The following SYBU variants were observed in gnomAD, a reference collection of about 807,000 sequenced individuals.
SYBU encodes syntabulin.
In SYBU, 21 loss-of-function variants were observed where a neutral mutation model predicts 35.9. The observed-to-expected ratio is 0.58, with a 90% CI of 0.41 to 0.84. The LOEUF is 0.84. Among genes scored for constraint, SYBU ranks in the 40% least tolerant of loss-of-function variants. The pLI is 0.00. For missense variants in SYBU, 768 were observed against 848.2 expected, an observed-to-expected ratio of 0.91 and a Z score of 1.17; for synonymous variants, 319 against 324.3, an observed-to-expected ratio of 0.98 and a Z score of 0.18.
Position 109,691,279 on chromosome 8 carries a change from C to T in SYBU, c.-58+54G>A, listed in dbSNP as rs1703898283. 1.4e-6 allele frequency: 1 copy of T among 696,214 alleles called. No homozygotes were observed. Among genetic ancestry groups the T allele is most frequent in the Non-Finnish European group, 2.6e-6 (1 of 382,174 alleles). The allele number at this position is 696,214 out of a possible 1,614,324, so 43.1% of individuals were successfully genotyped here. A position where few individuals can be genotyped will look rare whatever the true frequency, so the allele number is the denominator to read the frequency against. ...ATTGTACCGAAGACCATCAGTTGCC[C>T]TCCCGTGTCCGCGGGCACTGACAGC... is the stretch of plus-strand genomic sequence containing the variant. On this transcript the variant is annotated intron_variant, in intron 1 of 7. Transcript: ENST00000422135. This position sits in a 1 kb window ranked among gnomAD's most constrained non-coding sequence, Gnocchi z 4.7.
At chr8:109,602,276 G>A (rs1441447529) in intron 3 of SYBU, among the ~76,000 whole-genome samples, 1 of 152,114 alleles carries the variant, frequency 6.6e-6, no homozygotes, top group Non-Finnish European at 1.5e-5. Context: ...AGATACGTAT[G>A]TTTGGAAAAG....
chr8:109,619,495 G>A (rs1307372269), intron 2 of SYBU, among the ~76,000 whole-genome samples: 1 of 152,132 alleles, frequency 6.6e-6, no homozygotes, highest in African/African-American at 2.4e-5. Flanking sequence ...CCAAAGTGCT[G>A]GGATTACAAT....
intron 4 of SYBU, among the ~76,000 whole-genome samples, chr8:109,583,963 C>G (rs1449193558): frequency 6.6e-6 from 1 of 151,124 alleles, no homozygotes; most frequent in Admixed American, 6.6e-5. Context: ...CACCCACCTA[C>G]ATGCCCGGCT....
intron 1 of SYBU, among the ~76,000 whole-genome samples, chr8:109,690,686 T>C (rs1175188633): frequency 2.6e-5 from 4 of 152,222 alleles, no homozygotes; most frequent in Admixed American, 2.6e-4. Flanking sequence ...CTCACAGATA[T>C]CTTTTACTGT....
chr8:109,667,139 CAG>C (rs1334186400), intron 1 of SYBU, among the ~76,000 whole-genome samples: 1 of 152,004 alleles, frequency 6.6e-6, no homozygotes, highest in Non-Finnish European at 1.5e-5. Context: ...TTTTTTGAGA[CAG>C]AGTCTGGCTC....
rs377692434 is a variant in SYBU at position 109,575,018 on chromosome 8, C to G, written c.1880G>C (p.Ser627Thr). 3.4e-5 allele frequency: 54 copies of G among 1,598,286 alleles called. No homozygotes were observed. The Admixed American group carries it at 3.9e-4, about 12-fold the overall frequency. ...PVVPTVLWAF[S>T]TQRGGTDPVY... is the part of the protein sequence containing the mutation. ...AGGATCCGTTCCCCCTCTCTGAGTA[C>G]TGAATGCCCACAGAACCGTGGGGAC... is the stretch of plus-strand genomic sequence containing the variant. The change falls in exon 7 of 7, where the codon AGT becomes ACT. Residue 627 changes from serine (S) to threonine (T), a missense_variant. Transcript: ENST00000276646.
chr8:109,576,101 G>C (rs1822284393), intron 6 of SYBU, 88 bp from the exon 7 acceptor site: 1 of 1,409,276 alleles, frequency 7.1e-7, no homozygotes, highest in Non-Finnish European at 9.3e-7. Flanking sequence ...AGTTCAGGCA[G>C]TTCTGGCACA....
intron 1 of SYBU, among the ~76,000 whole-genome samples, chr8:109,688,977 A>T (rs1347159714): frequency 6.6e-6 from 1 of 152,178 alleles, no homozygotes; most frequent in Non-Finnish European, 1.5e-5. Context: ...TCTTTTAAAT[A>T]TCAATAAAGT....
At chr8:109,652,236 G>T (rs1333552293) in intron 1 of SYBU, among the ~76,000 whole-genome samples, 9 of 152,208 alleles carry the variant, frequency 5.9e-5, no homozygotes, top group Non-Finnish European at 1.0e-4. Context: ...ATGTTCAGGG[G>T]TGAGTTTTAA....
chr8:109,691,578 G>A lies in SYBU; in HGVS notation c.-303C>T, dbSNP rs1358521953. ...GGCCCCTCGGCCTCTGCAGCCAGCCGGGCGGCTGCTGGGGCTGAGGACAAA... is the reference window on the plus strand; with the variant it reads ...GGCCCCTCGGCCTCTGCAGCCAGCCAGGCGGCTGCTGGGGCTGAGGACAAA... On this transcript the variant is annotated 5_prime_UTR_variant, in exon 1 of 8. Coordinates refer to the SYBU transcript ENST00000422135. This position sits in a 1 kb window ranked among gnomAD's most constrained non-coding sequence, Gnocchi z 4.7. 9 of 438,942 alleles carry A rather than the reference G, an allele frequency of 2.1e-5. No homozygotes were observed. The highest frequency in any genetic ancestry group is 1.9e-4 in the African/African-American group (9 of 48,054). The allele number at this position is 438,942 out of a possible 1,614,324, so 27.2% of individuals were successfully genotyped here. A position where few individuals can be genotyped will look rare whatever the true frequency, so the allele number is the denominator to read the frequency against.
chr8:109,658,515 A>G (rs1276566088), intron 1 of SYBU, among the ~76,000 whole-genome samples: 1 of 152,204 alleles, frequency 6.6e-6, no homozygotes, highest in Non-Finnish European at 1.5e-5. Flanking sequence ...ATGATGACTA[A>G]GACAAGGTAT....
intron 1 of SYBU, among the ~76,000 whole-genome samples, chr8:109,677,159 A>T (rs1305067779): frequency 6.6e-6 from 1 of 152,122 alleles, no homozygotes; most frequent in Non-Finnish European, 1.5e-5. Flanking sequence ...ACCTTTAAAG[A>T]ACTTGTGCCA....
At position 109,574,865 on chromosome 8, in the gene SYBU, C is replaced by CCACATGGGACACATTGG; in HGVS notation, c.*24_*40dup. 6.7e-7 allele frequency: 1 copy of CCACATGGGACACATTGG among 1,502,092 alleles called. No homozygotes were observed. Among genetic ancestry groups the CCACATGGGACACATTGG allele is most frequent in the Admixed American group, 2.3e-5 (1 of 43,516 alleles). The allele number at this position is 1,502,092 out of a possible 1,614,324, so 93.0% of individuals were successfully genotyped here. On this transcript the variant is annotated 3_prime_UTR_variant, in exon 7 of 7. Transcript: ENST00000276646. ...TTCCTGTTTCTCTACCTGGCACAAC[C>CCACATGGGACACATTGG]CACATGGGACACATTGGCACACGGT...
chr8:109,681,770 G>A (rs1199516740), upstream of SYBU, among the ~76,000 whole-genome samples: 2 of 152,170 alleles, frequency 1.3e-5, no homozygotes, highest in African/African-American at 4.8e-5. Flanking sequence ...TGGTTTGGGT[G>A]TGTCCCTACC....
rs375252561 is a variant in SYBU, at chr8:109,642,723, T to A, written c.229+5A>T. ...GCCTCTGGTGGCCTCCCGAGGGTAC[T>A]GTACCTGAGCAGAAGCTGTTGCTGC... On this transcript the variant is annotated splice_donor_5th_base_variant and intron_variant, in intron 2 of 6. Transcript: ENST00000276646. 4.4e-6 allele frequency: 7 copies of A among 1,587,996 alleles called. No homozygotes were observed. The highest frequency in any genetic ancestry group is 5.1e-6 in the Non-Finnish European group (6 of 1,167,008).
At chr8:109,641,620 C>T (rs1814889555) in intron 2 of SYBU, among the ~76,000 whole-genome samples, 4 of 152,222 alleles carry the variant, frequency 2.6e-5, no homozygotes. Context: ...GGCTATAACT[C>T]TCCTTGATCT....
intron 2 of SYBU, among the ~76,000 whole-genome samples, chr8:109,629,509 C>G (rs982786173): frequency 6.6e-6 from 1 of 152,178 alleles, no homozygotes; most frequent in African/African-American, 2.4e-5. Context: ...TAGTATGAAT[C>G]CAGACAAGCT....
rs972654829 is a variant in SYBU, at chr8:109,657,338, T to G, written c.-129+23373A>C. ...TACAGAGGAGGTTTGAGCAGAAAAT[T>G]CTAAGTTTCTTTTTCCCTTCCTTTT... On this transcript the variant is annotated intron_variant, in intron 1 of 5. Coordinates refer to the SYBU transcript ENST00000408889. Among the ~76,000 whole-genome samples, 4 of 152,156 alleles carry G rather than the reference T, an allele frequency of 2.6e-5. No individual in the cohort carries two copies. The South Asian group carries it at 8.3e-4, about 32-fold the overall frequency.
intron 4 of SYBU, chr8:109,580,254 G>T (rs1158836715): frequency 4.3e-6 from 2 of 470,548 alleles, no homozygotes; most frequent in Non-Finnish European, 7.8e-6. Flanking sequence ...GCTTTTTTTG[G>T]ATAACACCCA....
Sources: gnomAD v4.1 joint callset for allele counts (sites outside exome capture counted in the v4.1 genomes callset) on GRCh38, gnomAD v4.1.1 for gene constraint, Gnocchi (gnomAD v3.1) non-coding constraint, MANE v1.5 for transcripts, NCBI Gene and HGNC (gene_info 2026-07-23, HGNC 2026-07-21) for gene names.